The following ITPR1 variants were observed in gnomAD, a reference collection of about 807,000 sequenced individuals.
ITPR1 encodes the protein inositol 1,4,5-trisphosphate receptor type 1, also known as inositol 1,4,5-trisphosphate-gated calcium channel ITPR1.
A neutral mutation model predicts 318.4 loss-of-function variants in ITPR1; 96 were observed. That is an observed-to-expected ratio of 0.30 (90% CI 0.26 to 0.36). The LOEUF (loss-of-function observed/expected upper bound fraction) is 0.36. Among genes scored for constraint, ITPR1 ranks in the 10% least tolerant of loss-of-function variants. The pLI, the probability that ITPR1 is intolerant of heterozygous loss-of-function variation, is 1.00. For missense variants in ITPR1, 2,440 were observed against 3,460.2 expected (o/e 0.71, Z 7.40); for synonymous variants, 1,312 against 1,289.9 (o/e 1.02, Z -0.37).
chr3:4,540,335 T>C (rs1409096072), intron 4 of ITPR1, among the ~76,000 whole-genome samples: 1 of 152,232 alleles, frequency 6.6e-6, no homozygotes, highest in Non-Finnish European at 1.5e-5. Flanking sequence ...AGTATTTGTT[T>C]AAATATACAT....
chr3:4,775,383 A>G lies in ITPR1; in HGVS notation c.6121A>G (p.Ile2041Val). 6.2e-7 allele frequency: 1 copy of G among 1,613,872 alleles called. No homozygotes were observed. The highest frequency in any genetic ancestry group is 8.5e-7 in the Non-Finnish European group (1 of 1,179,726). Residue 2041 changes from isoleucine (I) to valine (V), a missense_variant, in exon 47 of 62, where the codon ATC (isoleucine) becomes GTC (valine). Physicochemically the swap from Ile to Val is conservative, Grantham distance 29. Around this residue, in one of 23 missense-constraint regions of ITPR1, gnomAD observed 76 missense variants for 162.1 expected, o/e 0.47. Transcript: ENST00000649015. ...TATAAATGAAAAGAATGTAGCGCTT[A>G]TCAACCAAACCCTGGAAAGTCTGAC... ...LYINEKNVAL[I>V]NQTLESLTEY...
intron 4 of ITPR1, among the ~76,000 whole-genome samples, chr3:4,609,990 G>A (rs773867385): frequency 2.0e-5 from 3 of 152,188 alleles, no homozygotes; most frequent in Non-Finnish European, 4.4e-5. Context: ...GGGGGGACCA[G>A]GTCAGCTGTA....
chr3:4,508,357 C>G (rs1489739545), intron 2 of ITPR1, among the ~76,000 whole-genome samples: 1 of 151,838 alleles, frequency 6.6e-6, no homozygotes. Flanking sequence ...TAAGTGATCC[C>G]TTAGGTAACT....
chr3:4,518,503 G>A (rs75549476), intron 3 of ITPR1, among the ~76,000 whole-genome samples: 1,699 of 152,260 alleles, frequency 0.011, 40 homozygotes, highest in African/African-American at 0.039. Context: ...GGATAGCAGT[G>A]TAAAAATGGG....
chr3:4,783,677 A>C, intron 50 of ITPR1, 139 bp from the exon 51 acceptor site: 1 of 713,796 alleles, frequency 1.4e-6, no homozygotes, highest in African/African-American at 1.7e-5. Context: ...GATGGGATGG[A>C]GCAAGCCTCG....
rs563041339 is a variant in ITPR1 at position 4,818,986 on chromosome 3, G to A, written c.8028+744G>A. Among the ~76,000 whole-genome samples, 46 of 152,304 alleles carry A rather than the reference G, an allele frequency of 3.0e-4. 1 individual carries two copies. Among genetic ancestry groups the A allele is most frequent in the African/African-American group, 1.1e-3 (46 of 41,558 alleles). On this transcript the variant is annotated intron_variant, in intron 60 of 61. Transcript: ENST00000649015. Reference sequence around the variant, plus strand: ...GAGCATGAACTGTGAAATCGAGGGAGTCTCTGTGATTCACGCTGGCTGCCT... The same window carrying A: ...GAGCATGAACTGTGAAATCGAGGGAATCTCTGTGATTCACGCTGGCTGCCT...
In ITPR1 at chr3:4,518,992, T is replaced by A. The variant is rs116776673; in HGVS notation, c.93-2032T>A. Reference sequence around the variant, plus strand: ...GCTTTAGTAAGCTGGGTTGACAGAGTCCTGGCGTCAGTATATTTGGAAACA... The same window carrying A: ...GCTTTAGTAAGCTGGGTTGACAGAGACCTGGCGTCAGTATATTTGGAAACA... On this transcript the variant is annotated intron_variant, in intron 3 of 61. Coordinates refer to ENST00000649015, the MANE Select transcript of ITPR1 (RefSeq NM_001378452.1). Among the ~76,000 whole-genome samples, 1,372 of 152,188 alleles carry A rather than the reference T, an allele frequency of 9.0e-3. 25 individuals are homozygous for A. The highest frequency in any genetic ancestry group is 0.031 in the African/African-American group (1,288 of 41,498).
chr3:4,559,549 T>C, intron 4 of ITPR1, among the ~76,000 whole-genome samples: 1 of 152,226 alleles, frequency 6.6e-6, no homozygotes, highest in Admixed American at 6.5e-5. Context: ...ATTCTTTGCA[T>C]GCCAAGATGA....
chr3:4,556,200 C>T (rs939073351), intron 4 of ITPR1, among the ~76,000 whole-genome samples: 13 of 152,140 alleles, frequency 8.5e-5, no homozygotes, highest in Non-Finnish European at 1.9e-4. Context: ...ACTCCACAGC[C>T]TCTCTCACTA....
At position 4,681,294 on chromosome 3, in the gene ITPR1, A is replaced by G. The variant is rs1346147319; in HGVS notation, c.3107-70A>G. On this transcript the variant is annotated intron_variant, in intron 25 of 61. Transcript: ENST00000649015. ...TCAACAGCTTTACCCTGCAAAACTTATGGATGAGTTCACCAGCAGCATGTT... is the reference window on the plus strand; with the variant it reads ...TCAACAGCTTTACCCTGCAAAACTTGTGGATGAGTTCACCAGCAGCATGTT... The G allele has an allele frequency of 8.5e-6, 9 of 1,063,366 alleles. No homozygotes were observed. In the Admixed American group the frequency reaches 1.4e-4, roughly 16 times the overall value. 65.9% of individuals were successfully genotyped at this position (1,063,366 alleles called of 1,614,324 possible).
At chr3:4,784,320 A>G (rs904949698) in intron 51 of ITPR1, among the ~76,000 whole-genome samples, 4 of 152,148 alleles carry the variant, frequency 2.6e-5, no homozygotes, top group African/African-American at 9.7e-5. Context: ...AGACATGGGG[A>G]ATAACAGCAA....
intron 44 of ITPR1, among the ~76,000 whole-genome samples, chr3:4,753,733 C>T (rs997574407): frequency 4.6e-5 from 7 of 152,070 alleles, no homozygotes; most frequent in East Asian, 1.9e-4. Context: ...TTATTTTTTT[C>T]GGCTTCTATG....
intron 42 of ITPR1, among the ~76,000 whole-genome samples, chr3:4,729,972 T>C (rs1449170603): frequency 6.6e-6 from 1 of 151,410 alleles, no homozygotes; most frequent in African/African-American, 2.4e-5. Flanking sequence ...CTCAGCCTGG[T>C]ACATTATGAA....
intron 7 of ITPR1, among the ~76,000 whole-genome samples, chr3:4,643,246 A>T (rs760944385): frequency 1.1e-4 from 17 of 152,224 alleles, no homozygotes; most frequent in Non-Finnish European, 2.4e-4. Context: ...GAGTTAGAGA[A>T]AATTCAATTG....
chr3:4,755,117 G>A (rs1050186913), intron 44 of ITPR1, among the ~76,000 whole-genome samples: 1 of 151,838 alleles, frequency 6.6e-6, no homozygotes, highest in African/African-American at 2.4e-5. Context: ...GGAAACAGTG[G>A]TTGCCAGTAG....
chr3:4,697,067 C>A, intron 33 of ITPR1, 80 bp from the exon 34 acceptor site: 1 of 1,332,136 alleles, frequency 7.5e-7, no homozygotes, highest in Non-Finnish European at 1.1e-6. Context: ...TTCATCGGTC[C>A]TTGCTGTGAA....
At chr3:4,498,409 T>C (rs2080766429) in intron 2 of ITPR1, among the ~76,000 whole-genome samples, 1 of 151,918 alleles carries the variant, frequency 6.6e-6, no homozygotes, top group Non-Finnish European at 1.5e-5. Context: ...GTTTGTGACA[T>C]GTTGGAGGAA....
chr3:4,818,373 G>A (rs891530673), intron 60 of ITPR1, 131 bp downstream of exon 60: 46 of 657,200 alleles, frequency 7.0e-5, no homozygotes, highest in Non-Finnish European at 1.0e-4. Context: ...CCTTCTCACG[G>A]ATGGGGCGCT....
intron 4 of ITPR1, among the ~76,000 whole-genome samples, chr3:4,568,150 T>C (rs1011481205): frequency 6.6e-6 from 1 of 152,090 alleles, no homozygotes; most frequent in Non-Finnish European, 1.5e-5. Context: ...GAGGCCAGGG[T>C]CATTACATAG....
Sources: allele counts gnomAD v4.1 joint callset (sites outside exome capture counted in the v4.1 genomes callset), GRCh38; gene constraint gnomAD v4.1.1; regional missense constraint gnomAD v4.1.1; transcripts MANE v1.5; gene names NCBI Gene and HGNC (gene_info 2026-07-23, HGNC 2026-07-21).